The following FBXO11 variants were observed in gnomAD, a reference collection of about 807,000 sequenced individuals.
FBXO11 encodes the protein F-box only protein 11.
Under a neutral mutation model 117.0 loss-of-function variants are expected in FBXO11, and 13 were observed. That is an observed-to-expected ratio of 0.11 (90% confidence interval 0.07 to 0.18). FBXO11 has a LOEUF of 0.18. FBXO11 is among the 10% of genes least tolerant of loss of function. The pLI is 1.00. For synonymous variants in FBXO11, 490 were observed against 380.5 expected (o/e 1.29, Z -3.35); for missense variants, 767 against 1,164.4 (o/e 0.66, Z 4.97).
intron 1 of FBXO11, among the ~76,000 whole-genome samples, chr2:47,900,149 C>T (rs1470583590): frequency 6.6e-6 from 1 of 152,076 alleles, no homozygotes; most frequent in East Asian, 1.9e-4. Context: ...CTCATCAGCA[C>T]AACTTTAACA....
chr2:47,821,493 C>A (rs962700323), intron 13 of FBXO11, among the ~76,000 whole-genome samples: 7 of 152,038 alleles, frequency 4.6e-5, no homozygotes, highest in Non-Finnish European at 1.0e-4. Flanking sequence ...GCCTGTAGTC[C>A]CAGCTACTTG....
intron 1 of FBXO11, among the ~76,000 whole-genome samples, chr2:47,896,919 ATCT>A (rs1677711094): frequency 6.6e-6 from 1 of 152,152 alleles, no homozygotes; most frequent in Non-Finnish European, 1.5e-5. Flanking sequence ...CTCTCAACAA[ATCT>A]TCTTTGATAT....
Position 47,834,955 on chromosome 2 carries a change from T to C in FBXO11, c.718-84A>G. On this transcript the variant is annotated intron_variant, in intron 5 of 22. Coordinates refer to ENST00000403359, the MANE Select transcript of FBXO11 (RefSeq NM_001190274.2). Reference sequence around the variant, plus strand: ...TTAATGTACAATTGCATGAACAACTTTTATTACAAATCAAAAATAATTCTC... The same window carrying C: ...TTAATGTACAATTGCATGAACAACTCTTATTACAAATCAAAAATAATTCTC... The C allele has an allele frequency of 6.5e-6, 6 of 918,616 alleles. No homozygotes were observed. In the South Asian group the frequency reaches 9.7e-5, roughly 15 times the overall value. The allele number at this position is 918,616 out of a possible 1,614,324, so 56.9% of individuals were successfully genotyped here.
chr2:47,897,602 C>A (rs1677772139), intron 1 of FBXO11, among the ~76,000 whole-genome samples: 2 of 147,752 alleles, frequency 1.4e-5, no homozygotes, highest in African/African-American at 5.0e-5. Context: ...GAGGCTGAGG[C>A]AGGAGAATCA....
chr2:47,900,934 G>A (rs1572933663), intron 1 of FBXO11, among the ~76,000 whole-genome samples: 1 of 138,864 alleles, frequency 7.2e-6, no homozygotes, highest in African/African-American at 2.6e-5. Flanking sequence ...ACGTATTTAT[G>A]GAATTGCAGG....
At chr2:47,856,442 A>C (rs1186143130) in intron 1 of FBXO11, among the ~76,000 whole-genome samples, 1 of 152,238 alleles carries the variant, frequency 6.6e-6, no homozygotes, top group East Asian at 1.9e-4. Flanking sequence ...GGTATAAAAT[A>C]GGTCCAAAGA....
intron 1 of FBXO11, among the ~76,000 whole-genome samples, chr2:47,868,721 T>C (rs1025630458): frequency 6.6e-6 from 1 of 152,176 alleles, no homozygotes; most frequent in Non-Finnish European, 1.5e-5. Flanking sequence ...CTTGCCAAGG[T>C]TGATTTGGCT....
At chr2:47,808,501 T>C (rs1670380894) in intron 21 of FBXO11, 74 bp from the exon 22 acceptor site, 3 of 1,318,532 alleles carry the variant, frequency 2.3e-6, no homozygotes, top group Non-Finnish European at 3.1e-6. Flanking sequence ...GTTTATATAT[T>C]ACTATGACCT....
intron 1 of FBXO11, among the ~76,000 whole-genome samples, chr2:47,867,252 A>G (rs1026021555): frequency 6.6e-6 from 1 of 152,218 alleles, no homozygotes; most frequent in Admixed American, 6.5e-5. Context: ...TTCACTTTAC[A>G]TGTTTATCCT....
intron 1 of FBXO11, among the ~76,000 whole-genome samples, chr2:47,854,272 A>C (rs1167195663): frequency 6.6e-6 from 1 of 150,716 alleles, no homozygotes. Context: ...TTTTTTTTTA[A>C]ACCTACCTAT....
chr2:47,831,427 G>GAAAAAAAAAAAAA (rs920107554), intron 11 of FBXO11, among the ~76,000 whole-genome samples: 1 of 65,740 alleles, frequency 1.5e-5, no homozygotes, highest in Non-Finnish European at 2.8e-5. Context: ...GTCTCAAAAA[G>GAAAAAAAAAAAAA]AAAAAAAAAA....
intron 1 of FBXO11, among the ~76,000 whole-genome samples, chr2:47,885,177 G>A (rs983946669): frequency 1.3e-5 from 2 of 152,306 alleles, no homozygotes; most frequent in Middle Eastern, 6.8e-3. Context: ...AAGCCATCAA[G>A]AAGACATAAG....
At position 47,885,436 on chromosome 2, in the gene FBXO11, G is replaced by C. The variant is rs892464824; in HGVS notation, c.232+20053C>G. On this transcript the variant is annotated intron_variant, in intron 1 of 22. Transcript: ENST00000403359. ...GGCAAACCCTGTCTCTACCAAGGGCGTGGTGGTGTATGCCTGTAATCCCAG... is the reference window on the plus strand; with the variant it reads ...GGCAAACCCTGTCTCTACCAAGGGCCTGGTGGTGTATGCCTGTAATCCCAG... Among the ~76,000 whole-genome samples the C allele has an allele frequency of 9.2e-5, 14 of 152,148 alleles. No homozygotes were observed. In the South Asian group the frequency reaches 2.9e-3, roughly 32 times the overall value.
rs150155743 is a variant in FBXO11, at chr2:47,856,277, T to C, written c.233-16508A>G. On this transcript the variant is annotated intron_variant, in intron 1 of 22. Coordinates refer to ENST00000403359, the MANE Select transcript of FBXO11 (RefSeq NM_001190274.2). ...AGATTTCCAGACACACAGAGACTTA[T>C]AAAGTTAATCTTCTCCACAATCTTT... Among the ~76,000 whole-genome samples, 11 of 152,280 alleles carry C rather than the reference T, an allele frequency of 7.2e-5. No homozygotes were observed. The East Asian group carries it at 7.7e-4, about 11-fold the overall frequency.
At chr2:47,860,354 C>T (rs1291095098) in intron 1 of FBXO11, among the ~76,000 whole-genome samples, 3 of 151,664 alleles carry the variant, frequency 2.0e-5, no homozygotes, top group Non-Finnish European at 2.9e-5. Context: ...TAAATTTAAA[C>T]AACAATTATG....
At chr2:47,835,458 A>G (rs945015176) in intron 5 of FBXO11, among the ~76,000 whole-genome samples, 5 of 152,148 alleles carry the variant, frequency 3.3e-5, no homozygotes, top group African/African-American at 9.7e-5. Flanking sequence ...AGAATTGCTG[A>G]ATATTCTGTT....
At chr2:47,861,209 C>G (rs1674747904) in intron 1 of FBXO11, among the ~76,000 whole-genome samples, 1 of 151,974 alleles carries the variant, frequency 6.6e-6, no homozygotes, top group South Asian at 2.1e-4. Flanking sequence ...TAGTTGTACA[C>G]TGTGTACACT....
At chr2:47,816,193 T>G (rs2104682622) in intron 16 of FBXO11, among the ~76,000 whole-genome samples, 1 of 152,308 alleles carries the variant, frequency 6.6e-6, no homozygotes, top group East Asian at 1.9e-4. Flanking sequence ...TTTGTTCTGT[T>G]TTTTGAGACA....
chr2:47,818,485 C>G, intron 16 of FBXO11: 2 of 276,434 alleles, frequency 7.2e-6, no homozygotes, highest in Non-Finnish European at 1.3e-5. Context: ...TATTTTAACA[C>G]AGACTTCCAC....
Sources: gnomAD v4.1 joint callset for allele counts (sites outside exome capture counted in the v4.1 genomes callset) on GRCh38, gnomAD v4.1.1 for gene constraint, MANE v1.5 for transcripts, NCBI Gene and HGNC (gene_info 2026-07-23, HGNC 2026-07-21) for gene names.